PTPN14: variants seen among roughly 807,000 people sequenced by gnomAD.
PTPN14 encodes protein tyrosine phosphatase non-receptor type 14.
Under a neutral mutation model 126.8 loss-of-function variants are expected in PTPN14, and 53 were observed. That is an observed-to-expected ratio of 0.42 (90% CI 0.34 to 0.53). PTPN14 has a LOEUF of 0.53. Ranked by LOEUF, PTPN14 falls within the 20% of genes least tolerant of loss-of-function variation. The pLI is 0.08. For missense variants in PTPN14, 1,257 were observed against 1,552.9 expected, an observed-to-expected ratio of 0.81 and a Z score of 3.20; for synonymous variants, 630 against 599.3, an observed-to-expected ratio of 1.05 and a Z score of -0.75.
At chr1:214,396,469 G>T (rs1658882355) in intron 8 of PTPN14, among the ~76,000 whole-genome samples, 2 of 152,160 alleles carry the variant, frequency 1.3e-5, no homozygotes, top group Admixed American at 1.3e-4. Context: ...GCTCCTTAGT[G>T]AAGGTCTCTA....
chr1:214,372,460 A>G, intron 16 of PTPN14: 1 of 489,002 alleles, frequency 2.0e-6, no homozygotes, highest in Non-Finnish European at 3.6e-6. Context: ...TTAGTGCATT[A>G]CAATCCAAGG....
chr1:214,477,904 T>G (rs1660900545), intron 1 of PTPN14, among the ~76,000 whole-genome samples: 1 of 152,232 alleles, frequency 6.6e-6, no homozygotes, highest in South Asian at 2.1e-4. Context: ...CTGATTTATG[T>G]TTCAGAATGC....
At chr1:214,488,953 A>G (rs1426688708) in intron 1 of PTPN14, among the ~76,000 whole-genome samples, 1 of 152,204 alleles carries the variant, frequency 6.6e-6, no homozygotes. Context: ...AATTCTCTCT[A>G]TCCTTCCACC....
At chr1:214,521,113 C>T (rs1197344093) in intron 1 of PTPN14, among the ~76,000 whole-genome samples, 4 of 152,018 alleles carry the variant, frequency 2.6e-5, no homozygotes, top group African/African-American at 9.7e-5. Flanking sequence ...TTAAAGGAAG[C>T]TCAATGCAAT....
At position 214,433,937 on chromosome 1, in the gene PTPN14, C is replaced by CAT. The variant is rs1386776071; in HGVS notation, c.344+17867_344+17868insAT. Among the ~76,000 whole-genome samples the CAT allele has an allele frequency of 5.6e-3, 98 of 17,370 alleles. 1 individual carries two copies. Among genetic ancestry groups the CAT allele is most frequent in the Non-Finnish European group, 1.3e-3 (12 of 9,476 alleles). The allele number at this position is 17,370 out of a possible 152,430, so 11.4% of individuals were successfully genotyped here. A position where few individuals can be genotyped will look rare whatever the true frequency, so the allele number is the denominator to read the frequency against. ...GACATTATTTCCACACACACACACACACACACACACACACAAAAAAAAAAA... is the reference window on the plus strand; with the variant it reads ...GACATTATTTCCACACACACACACACATACACACACACACACAAAAAAAAAAA... On this transcript the variant is annotated intron_variant, in intron 3 of 18. Coordinates refer to ENST00000366956, the MANE Select transcript of PTPN14 (RefSeq NM_005401.5).
intron 5 of PTPN14, among the ~76,000 whole-genome samples, chr1:214,410,457 T>C (rs920828438): frequency 6.6e-6 from 1 of 152,094 alleles, no homozygotes; most frequent in African/African-American, 2.4e-5. Context: ...CAAGCCCAGA[T>C]AATTTTTGTA....
Position 214,488,108 on chromosome 1 carries a change from A to G in PTPN14, c.-154-23151T>C, listed in dbSNP as rs867148253. 5.3e-5 allele frequency among the ~76,000 whole-genome samples: 8 copies of G among 152,318 alleles called. No individual in the cohort carries two copies. The South Asian group carries it at 1.7e-3, about 32-fold the overall frequency. ...AAGCAAGGGTCCTATACACCATACAACACAGAAGCCAACCTTTTAAACATT... is the reference window on the plus strand; with the variant it reads ...AAGCAAGGGTCCTATACACCATACAGCACAGAAGCCAACCTTTTAAACATT... On this transcript the variant is annotated intron_variant, in intron 1 of 18. Transcript: ENST00000366956.
intron 3 of PTPN14, among the ~76,000 whole-genome samples, chr1:214,432,679 TG>T (rs1250367622): frequency 5.3e-5 from 8 of 152,222 alleles, no homozygotes; most frequent in Non-Finnish European, 1.0e-4. Flanking sequence ...CACAAAATGT[TG>T]ATCAATGAAG....
chr1:214,461,906 C>T (rs4655349), intron 2 of PTPN14, among the ~76,000 whole-genome samples: 126,184 of 152,236 alleles, frequency 0.83, 52,407 homozygotes, highest in African/African-American at 0.89. Context: ...GACCCAAATA[C>T]AAATTCAAGG....
At chr1:214,368,914 G>A (rs1172676532) in intron 17 of PTPN14, among the ~76,000 whole-genome samples, 2 of 152,198 alleles carry the variant, frequency 1.3e-5, no homozygotes, top group Non-Finnish European at 2.9e-5. Context: ...TCTGAGAGGC[G>A]GAGGTTGCAG....
At chr1:214,415,707 A>G (rs17022874) in intron 3 of PTPN14, among the ~76,000 whole-genome samples, 1,853 of 152,246 alleles carry the variant, frequency 0.012, 48 homozygotes, top group African/African-American at 0.042. Flanking sequence ...ATCATTACAC[A>G]TCAGTCAATC....
At chr1:214,407,345 T>G in intron 5 of PTPN14, among the ~76,000 whole-genome samples, 1 of 151,990 alleles carries the variant, frequency 6.6e-6, no homozygotes. Context: ...GCCAACATGG[T>G]GAAACCCCCC....
intron 1 of PTPN14, among the ~76,000 whole-genome samples, chr1:214,489,507 TG>T (rs1661185830): frequency 6.6e-6 from 1 of 152,218 alleles, no homozygotes; most frequent in African/African-American, 2.4e-5. Flanking sequence ...AACTCCTATT[TG>T]TCTTTCAGAA....
chr1:214,543,638 G>GA (rs1423835748), intron 1 of PTPN14, among the ~76,000 whole-genome samples: 2 of 144,986 alleles, frequency 1.4e-5, no homozygotes, highest in African/African-American at 5.0e-5. Context: ...TCTATAACAC[G>GA]TTTTTTTTTT....
At chr1:214,387,688 A>AAAAAG (rs1553260951) in intron 11 of PTPN14, among the ~76,000 whole-genome samples, 7 of 151,516 alleles carry the variant, frequency 4.6e-5, no homozygotes, top group East Asian at 1.9e-4. Flanking sequence ...AAAAAAAAAA[A>AAAAAG]AAAGAAAGAA....
chr1:214,520,065 A>AAAAAAAAAAAAAAAAAATATATAT, intron 1 of PTPN14, among the ~76,000 whole-genome samples: 2 of 71,100 alleles, frequency 2.8e-5, no homozygotes, highest in Non-Finnish European at 4.8e-5. Flanking sequence ...AAAAAAAAAA[A>AAAAAAAAAAAAAAAAAATATATAT]ATATATATAT....
chr1:214,488,054 T>C (rs933404958), intron 1 of PTPN14, among the ~76,000 whole-genome samples: 4 of 152,168 alleles, frequency 2.6e-5, no homozygotes, highest in Non-Finnish European at 5.9e-5. Flanking sequence ...GACCTTACCC[T>C]ATAACAACAG....
intron 1 of PTPN14, among the ~76,000 whole-genome samples, chr1:214,506,687 G>A (rs1181510271): frequency 6.6e-6 from 1 of 152,192 alleles, no homozygotes. Context: ...TCATTAACCA[G>A]GGATACAGGT....
intron 17 of PTPN14, 150 bp downstream of exon 17, chr1:214,369,307 T>G: frequency 1.4e-6 from 1 of 700,940 alleles, no homozygotes. Flanking sequence ...CTGTTCTACA[T>G]AGTAAGAAAG....
Sources: allele counts gnomAD v4.1 joint callset (sites outside exome capture counted in the v4.1 genomes callset), GRCh38; gene constraint gnomAD v4.1.1; transcripts MANE v1.5; gene names NCBI Gene and HGNC (gene_info 2026-07-23, HGNC 2026-07-21).